Variants in E2F5 observed in about 807,000 individuals in gnomAD.
E2F5 encodes the protein E2F transcription factor 5.
E2F5 carries 23 observed loss-of-function variants against 39.1 expected under a neutral mutation model. That is an observed-to-expected ratio of 0.59 (90% CI 0.42 to 0.83). The LOEUF (loss-of-function observed/expected upper bound fraction) is 0.83. E2F5 is among the 40% of genes least tolerant of loss of function. The probability of loss-of-function intolerance (pLI) is 0.00; values close to 1 mark genes in which losing one functional copy is unlikely to be tolerated. For missense variants in E2F5, 365 were observed against 406.7 expected, an observed-to-expected ratio of 0.90 and a Z score of 0.88; for synonymous variants, 145 against 157.8, an observed-to-expected ratio of 0.92 and a Z score of 0.61.
intron 1 of E2F5, among the ~76,000 whole-genome samples, chr8:85,183,083 C>T (rs887031297): frequency 3.9e-5 from 6 of 152,100 alleles, no homozygotes; most frequent in African/African-American, 1.2e-4. Flanking sequence ...AACCCCGTTT[C>T]TACTAAAAAT....
At chr8:85,182,914 T>C (rs539280048) in intron 1 of E2F5, among the ~76,000 whole-genome samples, 1 of 152,260 alleles carries the variant, frequency 6.6e-6, no homozygotes, top group African/African-American at 2.4e-5. Context: ...CATACCCGTT[T>C]ATGAGCCTGA....
chr8:85,188,495 C>A (rs778648598), intron 1 of E2F5, among the ~76,000 whole-genome samples: 9 of 152,128 alleles, frequency 5.9e-5, no homozygotes, highest in Non-Finnish European at 1.0e-4. Flanking sequence ...TTTCTTTCAG[C>A]ACTTTGAGCA....
intron 1 of E2F5, among the ~76,000 whole-genome samples, chr8:85,191,205 C>T (rs1344483804): frequency 6.6e-6 from 1 of 151,960 alleles, no homozygotes; most frequent in African/African-American, 2.4e-5. Flanking sequence ...AAGCCAGGCA[C>T]AGAAAGACAC....
At chr8:85,187,222 C>T (rs1812361397) in intron 1 of E2F5, among the ~76,000 whole-genome samples, 1 of 151,922 alleles carries the variant, frequency 6.6e-6, no homozygotes, top group Non-Finnish European at 1.5e-5. Flanking sequence ...GTTTTTTGGC[C>T]TCATATATAA....
chr8:85,213,635 C>T, intron 7 of E2F5, 118 bp from the exon 8 acceptor site: 1 of 407,124 alleles, frequency 2.5e-6, no homozygotes, highest in South Asian at 3.5e-5. Flanking sequence ...GAGAATATTT[C>T]AAAATACACA....
chr8:85,209,532 G>T, intron 6 of E2F5, 123 bp downstream of exon 6: 1 of 1,177,644 alleles, frequency 8.5e-7, no homozygotes, highest in African/African-American at 1.6e-5. Context: ...TGGAATATTT[G>T]CATATACATA....
intron 4 of E2F5, among the ~76,000 whole-genome samples, chr8:85,207,049 AC>A (rs1812814791): frequency 6.6e-6 from 1 of 152,180 alleles, no homozygotes; most frequent in Non-Finnish European, 1.5e-5. Flanking sequence ...TTTAAGCTCA[AC>A]ATTTCAGTGT....
At chr8:85,199,227 C>T (rs183043223) in intron 1 of E2F5, among the ~76,000 whole-genome samples, 89 of 152,080 alleles carry the variant, frequency 5.9e-4, no homozygotes, top group Non-Finnish European at 1.1e-3. Context: ...AGCTAAGCAC[C>T]CCTCACACTT....
At chr8:85,188,516 C>T (rs1205681890) in intron 1 of E2F5, among the ~76,000 whole-genome samples, 1 of 152,056 alleles carries the variant, frequency 6.6e-6, no homozygotes, top group Non-Finnish European at 1.5e-5. Context: ...CTGAGGCAGG[C>T]CAGAAGCTTT....
intron 1 of E2F5, among the ~76,000 whole-genome samples, chr8:85,183,963 C>T (rs1206648469): frequency 6.6e-6 from 1 of 152,018 alleles, no homozygotes; most frequent in Non-Finnish European, 1.5e-5. Context: ...AAAGAGATGC[C>T]TCAGATGCTG....
intron 1 of E2F5, among the ~76,000 whole-genome samples, chr8:85,186,729 A>ATATATATAAGGTGTATATATGG (rs1812348804): frequency 6.8e-6 from 1 of 147,060 alleles, no homozygotes; most frequent in Non-Finnish European, 1.5e-5. Context: ...TGTATATATG[A>ATATATATAAGGTGTATATATGG]TATATATAAG....
intron 1 of E2F5, among the ~76,000 whole-genome samples, chr8:85,190,567 G>C (rs1454324940): frequency 3.4e-5 from 4 of 117,866 alleles, no homozygotes; most frequent in African/African-American, 1.3e-4. Flanking sequence ...GCAGTGGTGT[G>C]ATCTCGGCTC....
chr8:85,189,822 G>C (rs1006699598), intron 1 of E2F5, among the ~76,000 whole-genome samples: 1 of 151,890 alleles, frequency 6.6e-6, no homozygotes, highest in Non-Finnish European at 1.5e-5. Flanking sequence ...TGTGTGCCCC[G>C]TTGTTCTTTA....
rs556208081 is a variant in E2F5 at position 85,214,515 on chromosome 8, T to C, written c.*653T>C. 3.2e-6 allele frequency: 4 copies of C among 1,242,308 alleles called. No individual in the cohort carries two copies. In the Admixed American group the frequency reaches 7.6e-5, roughly 24 times the overall value. 77.0% of individuals were successfully genotyped at this position (1,242,308 alleles called of 1,614,324 possible). On this transcript the variant is annotated 3_prime_UTR_variant, in exon 8 of 8. Transcript: ENST00000416274. ...TTAAAAATAAAATTGTATAAAACAT[T>C]CAATTTATTGGTCTTTGTGGAGAAT... is the stretch of plus-strand genomic sequence containing the variant.
intron 1 of E2F5, among the ~76,000 whole-genome samples, chr8:85,183,603 T>C (rs1563975757): frequency 6.6e-6 from 1 of 152,198 alleles, no homozygotes; most frequent in East Asian, 1.9e-4. Context: ...TGCTGCAACA[T>C]GATAAACTTT....
chr8:85,190,793 C>A (rs371372945), intron 1 of E2F5, among the ~76,000 whole-genome samples: 26 of 152,148 alleles, frequency 1.7e-4, no homozygotes, highest in African/African-American at 6.0e-4. Flanking sequence ...CATGAGCCAC[C>A]GTGCCCAGCC....
chr8:85,203,006 C>A, intron 2 of E2F5, 88 bp from the exon 3 acceptor site: 1 of 1,011,140 alleles, frequency 9.9e-7, no homozygotes, highest in Non-Finnish European at 1.3e-6. Context: ...GAATATATTA[C>A]TAAATAAGTC....
chr8:85,212,125 G>GAA, intron 6 of E2F5, 32 bp from the exon 7 acceptor site: 1 of 1,561,540 alleles, frequency 6.4e-7, no homozygotes, highest in Non-Finnish European at 8.8e-7. Context: ...ACTGTTAACA[G>GAA]AAATATAACA....
chr8:85,204,399 G>T (rs1438761283), intron 3 of E2F5, among the ~76,000 whole-genome samples: 1 of 151,298 alleles, frequency 6.6e-6, no homozygotes, highest in Admixed American at 6.6e-5. Context: ...TAGGGTCATG[G>T]ATGACGCTGG....
Sources: gnomAD v4.1 joint callset for allele counts (sites outside exome capture counted in the v4.1 genomes callset) on GRCh38, gnomAD v4.1.1 for gene constraint, MANE v1.5 for transcripts, NCBI Gene and HGNC (gene_info 2026-07-23, HGNC 2026-07-21) for gene names.